The following STAT4 variants were observed in gnomAD, a reference collection of about 807,000 sequenced individuals.
STAT4 encodes the protein signal transducer and activator of transcription 4.
In STAT4, 42 loss-of-function variants were observed where a neutral mutation model predicts 110.5. The ratio of observed to expected loss-of-function variants is 0.38; its 90% CI spans 0.30 to 0.49. The LOEUF is 0.49. Ranked by LOEUF, STAT4 falls within the 20% of genes least tolerant of loss-of-function variation. The pLI is 0.95. For missense variants in STAT4, 632 were observed against 887.9 expected, an observed-to-expected ratio of 0.71 and a Z score of 3.66; for synonymous variants, 284 against 302.2, an observed-to-expected ratio of 0.94 and a Z score of 0.63.
chr2:191,041,765 G>GC (rs1156873328), intron 14 of STAT4: 1 of 152,276 alleles, frequency 6.6e-6, no homozygotes, highest in East Asian at 1.9e-4. Flanking sequence ...GCTCCCTGAG[G>GC]CTGCAGAAAA....
Position 191,039,384 on chromosome 2 carries a change from A to G in STAT4, c.1336-87T>C, listed in dbSNP as rs1030524333. ...CTTGACCCTCGCCTCTAAAGGGCCA[A>G]TCTCAAGCCAGCCCCACACCTCCAG... On this transcript the variant is annotated intron_variant, in intron 15 of 23. Transcript: ENST00000392320. The surrounding 1 kb of genome is among the most constrained non-coding windows in gnomAD (Gnocchi z 4.7). The G allele has an allele frequency of 1.8e-5, 20 of 1,133,772 alleles. No homozygotes were observed. The highest frequency in any genetic ancestry group is 1.7e-5 in the Non-Finnish European group (13 of 750,846). 70.2% of individuals were successfully genotyped at this position (1,133,772 alleles called of 1,614,324 possible). A position where few individuals can be genotyped will look rare whatever the true frequency, so the allele number is the denominator to read the frequency against.
intron 3 of STAT4, among the ~76,000 whole-genome samples, chr2:191,120,504 CA>C (rs1163553939): frequency 6.6e-6 from 1 of 152,074 alleles, no homozygotes; most frequent in Non-Finnish European, 1.5e-5. Flanking sequence ...GGTGACAGAG[CA>C]AAACCTTGTC....
At position 191,053,251 on chromosome 2, in the gene STAT4, C is replaced by T. The variant is rs909316291; in HGVS notation, c.1251+1239G>A. Among the ~76,000 whole-genome samples the T allele has an allele frequency of 1.3e-5, 2 of 152,214 alleles. No homozygotes were observed. Among genetic ancestry groups the T allele is most frequent in the African/African-American group, 4.8e-5 (2 of 41,456 alleles). ...TGAACCACCCCAGAAATAAACCTCA[C>T]TGCTTCAAAACTGCATCACGTAGGT... On this transcript the variant is annotated intron_variant, in intron 14 of 23. Coordinates refer to ENST00000392320, the MANE Select transcript of STAT4 (RefSeq NM_003151.4). The surrounding 1 kb of genome is among the most constrained non-coding windows in gnomAD (Gnocchi z 4.5).
intron 3 of STAT4, among the ~76,000 whole-genome samples, chr2:191,095,462 C>T (rs1697943299): frequency 1.3e-5 from 2 of 152,212 alleles, no homozygotes; most frequent in South Asian, 4.1e-4. Flanking sequence ...AAGAAACTCA[C>T]TCAAAACCGC....
At chr2:191,131,565 AAG>A in intron 3 of STAT4, 1 of 321,728 alleles carries the variant, frequency 3.1e-6, no homozygotes, top group Non-Finnish European at 5.5e-6. Context: ...TGGCAACAAA[AAG>A]AAAAAAAATG....
chr2:191,138,661 T>A lies in STAT4; in HGVS notation c.273+7952A>T, dbSNP rs571482861. Reference sequence around the variant, plus strand: ...GTCCAGGACCAGATGGATTCACAGCTGAATTCTATCAGACATTCAAAGAAG... The same window carrying A: ...GTCCAGGACCAGATGGATTCACAGCAGAATTCTATCAGACATTCAAAGAAG... On this transcript the variant is annotated intron_variant, in intron 3 of 23. Coordinates refer to ENST00000392320, the MANE Select transcript of STAT4 (RefSeq NM_003151.4). The surrounding 1 kb of genome is among the most constrained non-coding windows in gnomAD (Gnocchi z 4.3). Among the ~76,000 whole-genome samples the A allele has an allele frequency of 4.6e-4, 70 of 152,258 alleles. 1 individual carries two copies. The South Asian group carries it at 0.014, about 30-fold the overall frequency.
chr2:191,125,476 T>TTTTTTATTATTATTATTATTATTA (rs141291456), intron 3 of STAT4, among the ~76,000 whole-genome samples: 14 of 138,012 alleles, frequency 1.0e-4, no homozygotes, highest in Admixed American at 3.8e-4. Flanking sequence ...ATCCTCATTA[T>TTTTTTATTATTATTATTATTATTA]TTATTATTAT....
intron 3 of STAT4, among the ~76,000 whole-genome samples, chr2:191,121,317 G>A (rs1213346343): frequency 1.3e-5 from 2 of 152,204 alleles, no homozygotes; most frequent in African/African-American, 2.4e-5. Context: ...CTTTTACACT[G>A]TTGGTGGGAG....
chr2:191,044,848 T>C (rs967432142), intron 14 of STAT4, among the ~76,000 whole-genome samples: 52 of 152,252 alleles, frequency 3.4e-4, no homozygotes, highest in African/African-American at 1.3e-3. Flanking sequence ...GCTTAATTAG[T>C]GACAAGTATG....
In STAT4 at chr2:191,031,120, AAAT is replaced by A. The variant is rs748433626; in HGVS notation, c.2112-43_2112-41del. The A allele has an allele frequency of 3.1e-6, 5 of 1,592,390 alleles. No individual in the cohort carries two copies. The African/African-American group carries it at 5.4e-5, about 17-fold the overall frequency. ...AAGGTCAATATGGACAAGGATTAAA[AAAT>A]AATAATAGTTCACGGTGACTTACTA... On this transcript the variant is annotated intron_variant, in intron 22 of 23. Coordinates refer to ENST00000392320, the MANE Select transcript of STAT4 (RefSeq NM_003151.4). The surrounding 1 kb of genome is among the most constrained non-coding windows in gnomAD (Gnocchi z 4.8).
In STAT4 at chr2:191,060,926, C is replaced by G. The variant is rs1389170084; in HGVS notation, c.1034+803G>C. On this transcript the variant is annotated intron_variant, in intron 10 of 23. Transcript: ENST00000392320. The surrounding 1 kb of genome is among the most constrained non-coding windows in gnomAD (Gnocchi z 4.5). ...TCATAGAACCCTAAACTGCTCTGTACCATGGCATCACCACCTCTTGACCTG... is the reference window on the plus strand; with the variant it reads ...TCATAGAACCCTAAACTGCTCTGTAGCATGGCATCACCACCTCTTGACCTG... 6.6e-6 allele frequency among the ~76,000 whole-genome samples: 1 copy of G among 152,148 alleles called. No homozygotes were observed. Among genetic ancestry groups the G allele is most frequent in the Non-Finnish European group, 1.5e-5 (1 of 68,032 alleles).
intron 3 of STAT4, among the ~76,000 whole-genome samples, chr2:191,109,708 A>T (rs2125358289): frequency 6.6e-6 from 1 of 152,186 alleles, no homozygotes; most frequent in Non-Finnish European, 1.5e-5. Context: ...GATTTCTCTT[A>T]TTCCAGTGGT....
intron 1 of STAT4, among the ~76,000 whole-genome samples, chr2:191,149,527 T>G (rs1443562680): frequency 6.6e-6 from 1 of 152,206 alleles, no homozygotes; most frequent in African/African-American, 2.4e-5. Context: ...CTCCTGACAT[T>G]GCTATGAATA....
chr2:191,149,080 C>T (rs1381031911), intron 1 of STAT4, among the ~76,000 whole-genome samples: 5 of 152,206 alleles, frequency 3.3e-5, no homozygotes, highest in Non-Finnish European at 7.3e-5. Flanking sequence ...TAGTATGACG[C>T]TGCCTCCTTG....
chr2:191,128,829 A>G (rs1222330473), intron 3 of STAT4, among the ~76,000 whole-genome samples: 4 of 152,192 alleles, frequency 2.6e-5, no homozygotes, highest in African/African-American at 9.7e-5. Flanking sequence ...GAGCTTTCTA[A>G]TTGATAGAGA....
In STAT4 at chr2:191,076,325, C is replaced by A; in HGVS notation, c.274G>T (p.Gly92Ter). 1 of 1,592,134 alleles carries A rather than the reference C, an allele frequency of 6.3e-7. No individual in the cohort carries two copies. Among genetic ancestry groups the A allele is most frequent in the Non-Finnish European group, 8.5e-7 (1 of 1,172,580 alleles). Residue 92 changes from glycine to a stop codon, truncating the protein, a stop_gained and splice_region_variant, in exon 4 of 24, where the codon GGA (glycine) becomes TGA (stop). Coordinates refer to ENST00000392320, the MANE Select transcript of STAT4 (RefSeq NM_003151.4). LOFTEE classifies it high-confidence loss of function. ...TGCATTGGATTTCCATGAAATTTTC[C>A]CTGAAAAAAAAAACAATGAGCAAAA... ...NLKRIRKVLQGKFHGNPMHVA... is the reference protein window; with the variant it reads ...NLKRIRKVLQ
chr2:191,061,716 T>C lies in STAT4; in HGVS notation c.1034+13A>G, dbSNP rs2125229276. 1 of 1,611,206 alleles carries C rather than the reference T, an allele frequency of 6.2e-7. No individual in the cohort carries two copies. The highest frequency in any genetic ancestry group is 8.5e-7 in the Non-Finnish European group (1 of 1,177,406). On this transcript the variant is annotated intron_variant, in intron 10 of 23. Coordinates refer to ENST00000392320, the MANE Select transcript of STAT4 (RefSeq NM_003151.4). This position sits in a 1 kb window ranked among gnomAD's most constrained non-coding sequence, Gnocchi z 6.2. The stretch of plus-strand genomic sequence containing the variant: ...CACAAACACACGAAATAGTAGAAAA[T>C]GTTTTTGCCTACCTTAGTTTTACAG...
intron 14 of STAT4, among the ~76,000 whole-genome samples, chr2:191,054,241 G>T (rs899734616): frequency 6.6e-6 from 1 of 151,144 alleles, no homozygotes; most frequent in African/African-American, 2.4e-5. Context: ...ATAAAAGACT[G>T]GAATGATGTA....
rs1357386916 is a variant in STAT4 at position 191,148,250 on chromosome 2, G to T, written c.-1-46C>A. On this transcript the variant is annotated intron_variant, in intron 1 of 23. Transcript: ENST00000392320. ...TTAGAGTTTTAAAATATTGTTCATA[G>T]CCCTAGTACATATTTTCTTCTTTCC... The T allele has an allele frequency of 1.9e-6, 3 of 1,578,592 alleles. No homozygotes were observed. In the Admixed American group the frequency reaches 5.8e-5, roughly 30 times the overall value.
Sources: gnomAD v4.1 joint callset for allele counts (sites outside exome capture counted in the v4.1 genomes callset) on GRCh38, gnomAD v4.1.1 for gene constraint, Gnocchi (gnomAD v3.1) non-coding constraint, MANE v1.5 for transcripts, NCBI Gene and HGNC (gene_info 2026-07-23, HGNC 2026-07-21) for gene names.